Variants in SVOP observed in about 807,000 individuals in gnomAD.
The protein encoded by SVOP is synaptic vesicle 2-related protein.
Under a neutral mutation model 69.1 loss-of-function variants are expected in SVOP, and 17 were observed. The observed-to-expected ratio is 0.25, with a 90% confidence interval of 0.17 to 0.37. The LOEUF (loss-of-function observed/expected upper bound fraction) is 0.37. Ranked by LOEUF, SVOP falls within the 10% of genes least tolerant of loss-of-function variation. The pLI, the probability that SVOP is intolerant of heterozygous loss-of-function variation, is 1.00. For synonymous variants in SVOP, 238 were observed against 238.6 expected (o/e 1.00, Z 0.02); for missense variants, 435 against 597.5 (o/e 0.73, Z 2.84).
chr12:108,968,295 C>A (rs143787046), intron 5 of SVOP, among the ~76,000 whole-genome samples: 15 of 152,186 alleles, frequency 9.9e-5, no homozygotes, highest in African/African-American at 1.4e-4. Flanking sequence ...CCTTTCCTCA[C>A]GGAGTTTACT....
At chr12:108,954,795 C>T (rs2039976373) in intron 6 of SVOP, among the ~76,000 whole-genome samples, 1 of 152,098 alleles carries the variant, frequency 6.6e-6, no homozygotes, top group Admixed American at 6.6e-5. Context: ...TTTGGAAGGC[C>T]AAGGTAGGCA....
chr12:108,926,178 C>T (rs1288454844), intron 11 of SVOP, among the ~76,000 whole-genome samples: 1 of 152,194 alleles, frequency 6.6e-6, no homozygotes, highest in African/African-American at 2.4e-5. Context: ...TCCTCGCCCT[C>T]CCAATTGCTG....
intron 7 of SVOP, 84 bp from the exon 8 acceptor site, chr12:108,940,993 T>C: frequency 2.0e-6 from 3 of 1,480,244 alleles, no homozygotes; most frequent in South Asian, 2.6e-5. Context: ...GACAAGGGTA[T>C]CTCTGTGGGT....
intron 5 of SVOP, among the ~76,000 whole-genome samples, chr12:108,963,533 G>C (rs921357710): frequency 1.3e-5 from 2 of 151,964 alleles, no homozygotes; most frequent in Non-Finnish European, 1.5e-5. Flanking sequence ...AGTCACCCAG[G>C]CTGGAGTGCA....
chr12:109,009,560 C>T (rs2040329587), intron 1 of SVOP, among the ~76,000 whole-genome samples: 1 of 151,832 alleles, frequency 6.6e-6, no homozygotes, highest in Non-Finnish European at 1.5e-5. Flanking sequence ...TTACAGGCAC[C>T]CGCCACCACG....
At chr12:108,983,897 C>T (rs2040154732) in intron 1 of SVOP, 136 bp from the exon 2 acceptor site, 2 of 397,464 alleles carry the variant, frequency 5.0e-6, no homozygotes, top group East Asian at 7.1e-5. Flanking sequence ...GTTAGCATTT[C>T]TATTGATTTG....
Position 108,912,237 on chromosome 12 carries a change from T to C in SVOP, c.*298A>G, listed in dbSNP as rs1593173625. On this transcript the variant is annotated 3_prime_UTR_variant, in exon 16 of 16. Coordinates refer to ENST00000610966, the MANE Select transcript of SVOP (RefSeq NM_018711.5). ...CCGGGTGACTCTGGGTGGTGTCTGATTGGTTGCTGGCATTACCAGACCCTC... is the reference window on the plus strand; with the variant it reads ...CCGGGTGACTCTGGGTGGTGTCTGACTGGTTGCTGGCATTACCAGACCCTC... 9.5e-6 allele frequency: 12 copies of C among 1,269,728 alleles called. No homozygotes were observed. In the East Asian group the frequency reaches 3.9e-4, roughly 42 times the overall value. 78.7% of individuals were successfully genotyped at this position (1,269,728 alleles called of 1,614,324 possible). A position where few individuals can be genotyped will look rare whatever the true frequency, so the allele number is the denominator to read the frequency against.
chr12:108,919,719 GAC>G lies in SVOP; in HGVS notation c.1222_1223del (p.Val408HisfsTer42). Reference sequence around the variant, plus strand: ...GCAGGAGGCTGCAGAAGGAGAAGATGACAAAGCACAGGGCCATGGTCTTCTTG... The same window carrying G: ...GCAGGAGGCTGCAGAAGGAGAAGATGAAAGCACAGGGCCATGGTCTTCTTG... ...GRKKTMALCF[V>X]IFSFCSLLLF... is the part of the protein sequence containing the mutation. On this transcript the variant is annotated frameshift_variant, in exon 13 of 16. Transcript: ENST00000610966. LOFTEE classifies it high-confidence loss of function. 1 of 1,608,408 alleles carries G rather than the reference GAC, an allele frequency of 6.2e-7. No homozygotes were observed. The highest frequency in any genetic ancestry group is 8.5e-7 in the Non-Finnish European group (1 of 1,177,322).
rs954133285 is a variant in SVOP, at chr12:108,919,802, G to A, written c.1157-16C>T. 1.2e-5 allele frequency: 19 copies of A among 1,546,962 alleles called. No homozygotes were observed. The highest frequency in any genetic ancestry group is 1.9e-5 in the Admixed American group (1 of 53,340). ...ACAAGGACACCTGGAAGGGGAGTGG[G>A]GAGAGATAGGCAGCTTCCGATGTGA... is the stretch of plus-strand genomic sequence containing the variant. On this transcript the variant is annotated splice_polypyrimidine_tract_variant and intron_variant, in intron 12 of 15. Coordinates refer to ENST00000610966, the MANE Select transcript of SVOP (RefSeq NM_018711.5).
chr12:108,962,257 C>G (rs2040022159), intron 5 of SVOP, among the ~76,000 whole-genome samples: 1 of 152,052 alleles, frequency 6.6e-6, no homozygotes, highest in South Asian at 2.1e-4. Context: ...TGCCACCATG[C>G]CTGGCTAATT....
intron 12 of SVOP, 74 bp from the exon 13 acceptor site, chr12:108,919,860 TGTATCATCCCCTCCCCTGGAG>T: frequency 1.0e-6 from 1 of 1,001,012 alleles, no homozygotes; most frequent in South Asian, 1.4e-5. Context: ...TAGCACAGCC[TGTATCATCCCCTCCCCTGGAG>T]GGTGGACTAG....
chr12:108,929,308 G>T (rs35219680), intron 11 of SVOP, among the ~76,000 whole-genome samples: 11,097 of 151,846 alleles, frequency 0.073, 898 homozygotes, highest in Admixed American at 0.26. Context: ...TATTTAGTTA[G>T]TTAGTTAGTT....
intron 8 of SVOP, among the ~76,000 whole-genome samples, chr12:108,940,553 C>A (rs1474627947): frequency 2.0e-5 from 3 of 152,150 alleles, no homozygotes; most frequent in Non-Finnish European, 2.9e-5. Context: ...ATGTATCCTC[C>A]CATCCCCAGT....
chr12:108,995,436 G>A (rs1156521643), intron 1 of SVOP, among the ~76,000 whole-genome samples: 1 of 152,124 alleles, frequency 6.6e-6, no homozygotes, highest in Non-Finnish European at 1.5e-5. Context: ...CCTATGTGAG[G>A]GGACCTAGAA....
Position 108,918,755 on chromosome 12 carries a change from T to C in SVOP, c.1269-631A>G, listed in dbSNP as rs145852289. ...AACGATCTATTTGAAATATTTCCAT[T>C]GAACAAGTTAACAGTTTTAACATAT... On this transcript the variant is annotated intron_variant, in intron 13 of 15. Transcript: ENST00000610966. 1.2e-4 allele frequency among the ~76,000 whole-genome samples: 19 copies of C among 152,300 alleles called. No individual in the cohort carries two copies. The East Asian group carries it at 3.7e-3, about 29-fold the overall frequency.
rs150400708 is a variant in SVOP at position 108,939,123 on chromosome 12, C to T, written c.769-168G>A. Among the ~76,000 whole-genome samples, 604 of 152,226 alleles carry T rather than the reference C, an allele frequency of 4.0e-3. 2 individuals are homozygous for T. Among genetic ancestry groups the T allele is most frequent in the African/African-American group, 0.014 (565 of 41,536 alleles). On this transcript the variant is annotated intron_variant, in intron 8 of 15. Coordinates refer to ENST00000610966, the MANE Select transcript of SVOP (RefSeq NM_018711.5). ...CCATTTATTATGTTGGTTGTGTGAC[C>T]CTGTACAATTACTTGACTTCTCTGT... is the stretch of plus-strand genomic sequence containing the variant.
intron 7 of SVOP, 29 bp downstream of exon 7, chr12:108,945,074 C>T: frequency 6.5e-7 from 1 of 1,536,104 alleles, no homozygotes; most frequent in Non-Finnish European, 8.7e-7. Flanking sequence ...TCCACATGCT[C>T]TAGAGACCCA....
At chr12:109,020,288 AC>A (rs750085690) in intron 1 of SVOP, among the ~76,000 whole-genome samples, 11 of 152,164 alleles carry the variant, frequency 7.2e-5, no homozygotes, top group Non-Finnish European at 1.3e-4. Flanking sequence ...GGTTTCACCG[AC>A]CGTGCACAGC....
At position 108,938,717 on chromosome 12, in the gene SVOP, G is replaced by T; in HGVS notation, c.897+110C>A. ...TGTGCACGCACACACCCCACCTTGG[G>T]TACACATACCCACATGTGTCCTCGC... On this transcript the variant is annotated intron_variant, in intron 9 of 15. Coordinates refer to ENST00000610966, the MANE Select transcript of SVOP (RefSeq NM_018711.5). 2.6e-6 allele frequency: 4 copies of T among 1,545,328 alleles called. No individual in the cohort carries two copies. In the South Asian group the frequency reaches 4.9e-5, roughly 19 times the overall value.
Sources: allele counts gnomAD v4.1 joint callset (sites outside exome capture counted in the v4.1 genomes callset), GRCh38; gene constraint gnomAD v4.1.1; transcripts MANE v1.5; gene names NCBI Gene and HGNC (gene_info 2026-07-23, HGNC 2026-07-21).